The following SREBF2 variants were observed in gnomAD, a reference collection of about 807,000 sequenced individuals.
The protein encoded by SREBF2 is sterol regulatory element-binding protein 2.
A neutral mutation model predicts 113.1 loss-of-function variants in SREBF2; 55 were observed. The ratio of observed to expected loss-of-function variants is 0.49; its 90% CI spans 0.39 to 0.61. SREBF2 has a LOEUF of 0.61. SREBF2 is among the 20% of genes least tolerant of loss of function. The probability of loss-of-function intolerance (pLI) is 0.00; values close to 1 mark genes in which losing one functional copy is unlikely to be tolerated. For missense variants in SREBF2, 1,349 were observed against 1,487.4 expected (o/e 0.91, Z 1.53); for synonymous variants, 593 against 605.7 (o/e 0.98, Z 0.31).
Position 41,873,907 on chromosome 22 carries a change from C to T in SREBF2, c.977C>T (p.Pro326Leu), listed in dbSNP as rs774539036. 1.2e-6 allele frequency: 2 copies of T among 1,613,928 alleles called. No individual in the cohort carries two copies. The highest frequency in any genetic ancestry group is 2.2e-5 in the South Asian group (2 of 91,056). ...GGGGGAGTCAAGCAGCTTGAGCCCC[C>T]CAAAGAAGGAGAAAGGCGGACAACC... is the stretch of plus-strand genomic sequence containing the variant. ...VPGGVKQLEP[P>L]KEGERRTTHN... Residue 326 changes from proline to leucine, a missense_variant, in exon 5 of 19, where the codon CCC becomes CTC. This residue lies in a region of SREBF2 where 699 missense variants were observed against 843.3 expected (regional missense o/e 0.83). Coordinates refer to ENST00000361204, the MANE Select transcript of SREBF2 (RefSeq NM_004599.4).
In SREBF2 at chr22:41,875,452, G is replaced by C; in HGVS notation, c.1204+1G>C. On this transcript the variant is annotated splice_donor_variant, in intron 6 of 18. Coordinates refer to ENST00000361204, the MANE Select transcript of SREBF2 (RefSeq NM_004599.4). LOFTEE classifies it high-confidence loss of function. The stretch of plus-strand genomic sequence containing the variant: ...CTGAAGCTGGCAAATCAAAAGAACA[G>C]TAAGTGTGCTGAGAAAAGGCTTGTC... 6.2e-7 allele frequency: 1 copy of C among 1,614,274 alleles called. No homozygotes were observed.
intron 18 of SREBF2, 98 bp downstream of exon 18, chr22:41,905,072 G>A: frequency 8.6e-7 from 1 of 1,159,646 alleles, no homozygotes; most frequent in East Asian, 2.6e-5. Flanking sequence ...TCTGGCATTG[G>A]TGCCCAGCAC....
intron 1 of SREBF2, among the ~76,000 whole-genome samples, chr22:41,846,735 C>T (rs914347740): frequency 6.6e-6 from 1 of 152,144 alleles, no homozygotes; most frequent in Non-Finnish European, 1.5e-5. Flanking sequence ...CCTGGAATAC[C>T]CTTCCCTCTC....
At position 41,905,919 on chromosome 22, in the gene SREBF2, A is replaced by G. The variant is rs147855211; in HGVS notation, c.*259A>G. 985 of 662,882 alleles carry G rather than the reference A, an allele frequency of 1.5e-3. 6 individuals carry two copies. In the African/African-American group the frequency reaches 0.016, roughly 11 times the overall value. The allele number at this position is 662,882 out of a possible 1,614,324, so 41.1% of individuals were successfully genotyped here. ...TGGGCAGCCCTGACTTGATAGCAGCAGGGGGAGCTCCCAAGCTGCCAAGCC... is the reference window on the plus strand; with the variant it reads ...TGGGCAGCCCTGACTTGATAGCAGCGGGGGGAGCTCCCAAGCTGCCAAGCC... On this transcript the variant is annotated 3_prime_UTR_variant, in exon 19 of 19. Coordinates refer to ENST00000361204, the MANE Select transcript of SREBF2 (RefSeq NM_004599.4).
rs766692646 is a variant in SREBF2 at position 41,897,067 on chromosome 22, T to C, written c.2511T>C (p.Ala837=). ...TTCTTCCTAGTGAATTCTCCAGTGC[T>C]CTGGAGTACTTGAAATTACTTCATT... The part of the protein sequence containing the change: ...QEEESCEFSS[A]LEYLKLLHSF... The change falls in exon 14 of 19, where the codon GCT becomes GCC. Residue 837 remains alanine (A), a synonymous_variant. Transcript: ENST00000361204. 1 of 1,612,152 alleles carries C rather than the reference T, an allele frequency of 6.2e-7. No homozygotes were observed. The highest frequency in any genetic ancestry group is 8.5e-7 in the Non-Finnish European group (1 of 1,178,732).
intron 11 of SREBF2, among the ~76,000 whole-genome samples, chr22:41,892,287 A>C (rs1042006061): frequency 2.6e-5 from 4 of 152,244 alleles, no homozygotes; most frequent in Non-Finnish European, 4.4e-5. Flanking sequence ...CACGCAAAGT[A>C]AAAGTAAAAG....
chr22:41,902,529 C>T (rs1013838660), intron 16 of SREBF2, among the ~76,000 whole-genome samples: 9 of 152,102 alleles, frequency 5.9e-5, no homozygotes, highest in African/African-American at 1.2e-4. Flanking sequence ...CCTCCTCCTT[C>T]CCCCAGCCCC....
chr22:41,897,105 CTG>C lies in SREBF2; in HGVS notation c.2552_2553del (p.Val851GlyfsTer113). On this transcript the variant is annotated frameshift_variant, in exon 14 of 19. Transcript: ENST00000361204. LOFTEE classifies it high-confidence loss of function. ...AAATTACTTCATTCTTTTGTGGACT[CTG>C]TGGGGGTTATGAGCCCCCCACTCTC... The C allele has an allele frequency of 6.2e-7, 1 of 1,612,980 alleles. No individual in the cohort carries two copies. The highest frequency in any genetic ancestry group is 8.5e-7 in the Non-Finnish European group (1 of 1,179,930).
chr22:41,857,003 GT>G (rs2076982906), intron 1 of SREBF2, among the ~76,000 whole-genome samples: 1 of 149,620 alleles, frequency 6.7e-6, no homozygotes, highest in African/African-American at 2.5e-5. Flanking sequence ...GGAGACAGAA[GT>G]TGCAGTGAGC....
At chr22:41,851,360 A>T (rs1170172911) in intron 1 of SREBF2, among the ~76,000 whole-genome samples, 1 of 147,356 alleles carries the variant, frequency 6.8e-6, no homozygotes, top group Non-Finnish European at 1.5e-5. Flanking sequence ...ATTTATGTTT[A>T]AAAAAAAAAA....
At position 41,856,413 on chromosome 22, in the gene SREBF2, G is replaced by A. The variant is rs75588372; in HGVS notation, c.89-10418G>A. The stretch of plus-strand genomic sequence containing the variant: ...CAAAGTGCTGGGATTACAGGCATGT[G>A]CCACCACACCTGGCCAATAATTTTC... On this transcript the variant is annotated intron_variant, in intron 1 of 18. Transcript: ENST00000361204. 1.2e-3 allele frequency among the ~76,000 whole-genome samples: 185 copies of A among 152,296 alleles called. 2 individuals carry two copies. The East Asian group carries it at 0.028, about 23-fold the overall frequency.
At chr22:41,891,969 T>C (rs919921535) in intron 11 of SREBF2, among the ~76,000 whole-genome samples, 2 of 152,230 alleles carry the variant, frequency 1.3e-5, no homozygotes, top group Admixed American at 1.3e-4. Context: ...TCCCGGCAAG[T>C]GGAGGAGGGG....
chr22:41,897,234 TC>T, intron 14 of SREBF2, 73 bp downstream of exon 14: 1 of 991,552 alleles, frequency 1.0e-6, no homozygotes, highest in Non-Finnish European at 1.5e-6. Context: ...GCCCCAGGGG[TC>T]CAGGGCGTTA....
intron 16 of SREBF2, chr22:41,901,030 G>A (rs770610100): frequency 5.8e-6 from 3 of 520,876 alleles, no homozygotes; most frequent in East Asian, 5.5e-5. Context: ...CCTGGCCCTC[G>A]AGAGACTGCC....
At chr22:41,853,310 A>G (rs1280115581) in intron 1 of SREBF2, among the ~76,000 whole-genome samples, 2 of 152,026 alleles carry the variant, frequency 1.3e-5, no homozygotes, top group Non-Finnish European at 2.9e-5. Flanking sequence ...TCAACAACCT[A>G]TCATGCAGCT....
chr22:41,839,994 C>G (rs1289039179), intron 1 of SREBF2, among the ~76,000 whole-genome samples: 13 of 130,198 alleles, frequency 1.0e-4, no homozygotes, highest in Non-Finnish European at 1.9e-4. Flanking sequence ...GAGTCTCACT[C>G]TGTCGCCCAG....
intron 1 of SREBF2, among the ~76,000 whole-genome samples, chr22:41,837,630 G>A (rs1457377818): frequency 1.3e-5 from 2 of 151,170 alleles, no homozygotes; most frequent in Non-Finnish European, 2.9e-5. Flanking sequence ...AGGCCGAGGC[G>A]GGTGGATCAC....
At chr22:41,878,688 T>C in intron 9 of SREBF2, 2 of 1,304,280 alleles carry the variant, frequency 1.5e-6, no homozygotes, top group Non-Finnish European at 2.0e-6. Context: ...CTGGGGCAAC[T>C]CACAGCATTG....
chr22:41,888,277 C>A (rs1204102958), intron 11 of SREBF2, among the ~76,000 whole-genome samples: 1 of 152,240 alleles, frequency 6.6e-6, no homozygotes, highest in Non-Finnish European at 1.5e-5. Context: ...ACTCTTTACA[C>A]ATATGTACCT....
Sources: gnomAD v4.1 joint callset for allele counts (sites outside exome capture counted in the v4.1 genomes callset) on GRCh38, gnomAD v4.1.1 for gene constraint, gnomAD v4.1.1 regional missense constraint, MANE v1.5 for transcripts, NCBI Gene and HGNC (gene_info 2026-07-23, HGNC 2026-07-21) for gene names.